NRXN1: variants seen among roughly 807,000 people sequenced by gnomAD.
The protein encoded by NRXN1 is neurexin-1.
Under a neutral mutation model 150.9 loss-of-function variants are expected in NRXN1, and 39 were observed. The observed-to-expected ratio is 0.26, with a 90% confidence interval of 0.20 to 0.34. The LOEUF is 0.34. Ranked by LOEUF, NRXN1 falls within the 10% of genes least tolerant of loss-of-function variation. The pLI, the probability that NRXN1 is intolerant of heterozygous loss-of-function variation, is 1.00. For missense variants in NRXN1, 1,815 were observed against 1,949.9 expected (o/e 0.93, Z 1.30); for synonymous variants, 924 against 757.0 (o/e 1.22, Z -3.62).
chr2:50,607,969 G>A (rs1054932065), intron 8 of NRXN1, among the ~76,000 whole-genome samples: 8 of 151,856 alleles, frequency 5.3e-5, no homozygotes, highest in Non-Finnish European at 8.8e-5. Context: ...AGTGTAATCA[G>A]ATGAGAAGAT....
intron 8 of NRXN1, among the ~76,000 whole-genome samples, chr2:50,561,142 C>T (rs1669013921): frequency 6.6e-6 from 1 of 152,172 alleles, no homozygotes; most frequent in Non-Finnish European, 1.5e-5. Context: ...TTCCAGCATT[C>T]AGTGAACTGC....
chr2:50,158,214 T>C (rs1435584721), intron 18 of NRXN1, among the ~76,000 whole-genome samples: 2 of 151,652 alleles, frequency 1.3e-5, no homozygotes, highest in Admixed American at 6.6e-5. Context: ...ATCCACATCA[T>C]TGATAGATTT....
intron 18 of NRXN1, among the ~76,000 whole-genome samples, chr2:50,105,037 T>C (rs907582968): frequency 4.6e-5 from 7 of 151,966 alleles, no homozygotes; most frequent in Non-Finnish European, 1.0e-4. Context: ...AAAACATCAA[T>C]CTAGTTACAT....
intron 18 of NRXN1, among the ~76,000 whole-genome samples, chr2:50,111,973 A>G (rs1702434173): frequency 6.6e-6 from 1 of 152,144 alleles, no homozygotes; most frequent in South Asian, 2.1e-4. Context: ...TCAACAGTGT[A>G]ATATGTTTCT....
intron 2 of NRXN1, among the ~76,000 whole-genome samples, chr2:50,933,663 G>C (rs574902921): frequency 9.2e-5 from 14 of 152,228 alleles, no homozygotes; most frequent in Admixed American, 1.3e-4. Context: ...GTGGAAGAGA[G>C]AGCCATGATC....
intron 5 of NRXN1, among the ~76,000 whole-genome samples, chr2:50,757,307 A>G (rs1701255530): frequency 6.6e-6 from 1 of 151,816 alleles, no homozygotes; most frequent in Non-Finnish European, 1.5e-5. Flanking sequence ...CATGTGCAAG[A>G]GAAAAAAAGT....
chr2:50,652,174 C>G (rs1685737683), intron 5 of NRXN1, among the ~76,000 whole-genome samples: 1 of 152,060 alleles, frequency 6.6e-6, no homozygotes, highest in South Asian at 2.1e-4. Context: ...GAAATGTTGT[C>G]TTCCTTCTTT....
intron 19 of NRXN1, among the ~76,000 whole-genome samples, chr2:50,087,068 A>C (rs1698894799): frequency 6.6e-6 from 1 of 152,074 alleles, no homozygotes; most frequent in South Asian, 2.1e-4. Flanking sequence ...ACCTAAATCT[A>C]ATTTGCTACT....
intron 5 of NRXN1, among the ~76,000 whole-genome samples, chr2:50,879,292 C>A (rs1051180976): frequency 2.6e-5 from 4 of 151,896 alleles, no homozygotes; most frequent in African/African-American, 7.2e-5. Context: ...ACATTTCTGA[C>A]TTGCCAGGCC....
At chr2:50,202,840 T>C (rs971852349) in intron 18 of NRXN1, among the ~76,000 whole-genome samples, 2 of 151,934 alleles carry the variant, frequency 1.3e-5, no homozygotes, top group African/African-American at 4.8e-5. Flanking sequence ...GCATGAATTT[T>C]ACTTGGAACT....
chr2:50,657,501 T>C (rs985003531), intron 5 of NRXN1, among the ~76,000 whole-genome samples: 2 of 152,006 alleles, frequency 1.3e-5, no homozygotes, highest in Admixed American at 6.6e-5. Flanking sequence ...TCATTTTTTG[T>C]TTGTTTGGTA....
At position 49,973,795 on chromosome 2, in the gene NRXN1, A is replaced by G. The variant is rs969307340; in HGVS notation, c.4129-30004T>C. On this transcript the variant is annotated intron_variant, in intron 21 of 22. Coordinates refer to ENST00000401669, the MANE Select transcript of NRXN1 (RefSeq NM_001330078.2). ...CACATTTCACATACAGCGTGCATAA[A>G]TTTGACATGCAATCTTCAAGAAGAA... 1.2e-5 allele frequency: 7 copies of G among 577,206 alleles called. No homozygotes were observed. The African/African-American group carries it at 1.3e-4, about 11-fold the overall frequency. The allele number at this position is 577,206 out of a possible 1,614,324, so 35.8% of individuals were successfully genotyped here. A position where few individuals can be genotyped will look rare whatever the true frequency, so the allele number is the denominator to read the frequency against.
intron 19 of NRXN1, among the ~76,000 whole-genome samples, chr2:50,065,286 A>T (rs1312335791): frequency 6.6e-6 from 1 of 152,192 alleles, no homozygotes; most frequent in African/African-American, 2.4e-5. Context: ...CATAAAACTA[A>T]TGCTGCATCA....
chr2:50,031,720 G>A (rs1445047756), intron 21 of NRXN1, among the ~76,000 whole-genome samples: 1 of 152,052 alleles, frequency 6.6e-6, no homozygotes, highest in Non-Finnish European at 1.5e-5. Context: ...ATGACCAAGT[G>A]CTGTTAAGTG....
chr2:50,828,556 G>A (rs1012979647), intron 5 of NRXN1, among the ~76,000 whole-genome samples: 2 of 151,510 alleles, frequency 1.3e-5, no homozygotes, highest in African/African-American at 2.4e-5. Flanking sequence ...AGACGGGGTC[G>A]CGGCCGGGCA....
At chr2:50,417,797 G>T (rs2083663546) in intron 17 of NRXN1, among the ~76,000 whole-genome samples, 1 of 151,798 alleles carries the variant, frequency 6.6e-6, no homozygotes, top group African/African-American at 2.4e-5. Flanking sequence ...TACTGAAAAA[G>T]CAACAAAGTC....
At chr2:49,946,558 T>C (rs1672930873) in intron 21 of NRXN1, among the ~76,000 whole-genome samples, 1 of 152,160 alleles carries the variant, frequency 6.6e-6, no homozygotes, top group Non-Finnish European at 1.5e-5. Flanking sequence ...TTAATTTTTG[T>C]ATAAGGTGTA....
At chr2:51,008,101 G>C (rs1277579917) in intron 2 of NRXN1, among the ~76,000 whole-genome samples, 1 of 151,848 alleles carries the variant, frequency 6.6e-6, no homozygotes, top group African/African-American at 2.4e-5. Flanking sequence ...GTTGCTCTTT[G>C]ATTGTTGCTG....
At chr2:50,533,258 G>A (rs190268368) in intron 10 of NRXN1, among the ~76,000 whole-genome samples, 243 of 152,080 alleles carry the variant, frequency 1.6e-3, no homozygotes, top group African/African-American at 5.2e-3. Flanking sequence ...TTTATTAAGC[G>A]TTCTGACTTC....
Sources: allele counts gnomAD v4.1 joint callset (sites outside exome capture counted in the v4.1 genomes callset), GRCh38; gene constraint gnomAD v4.1.1; transcripts MANE v1.5; gene names NCBI Gene and HGNC (gene_info 2026-07-23, HGNC 2026-07-21).